Variants in PTPRD observed in about 807,000 individuals in gnomAD.
PTPRD encodes the protein protein tyrosine phosphatase receptor type D.
A neutral mutation model predicts 214.5 loss-of-function variants in PTPRD; 34 were observed. The observed-to-expected ratio is 0.16, with a 90% confidence interval of 0.12 to 0.21. The LOEUF (loss-of-function observed/expected upper bound fraction) is 0.21. Among genes scored for constraint, PTPRD ranks in the 10% least tolerant of loss-of-function variants. The pLI is 1.00. For synonymous variants in PTPRD, 1,128 were observed against 845.7 expected, an observed-to-expected ratio of 1.33 and a Z score of -5.79; for missense variants, 2,545 against 2,398.7, an observed-to-expected ratio of 1.06 and a Z score of -1.27.
chr9:9,296,207 T>C (rs1448210761), intron 9 of PTPRD, among the ~76,000 whole-genome samples: 2 of 151,768 alleles, frequency 1.3e-5, no homozygotes, highest in African/African-American at 4.8e-5. Context: ...CACCATGAAC[T>C]TGTACTCATA....
intron 7 of PTPRD, among the ~76,000 whole-genome samples, chr9:9,694,472 G>C (rs904641995): frequency 6.6e-6 from 1 of 151,960 alleles, no homozygotes; most frequent in Non-Finnish European, 1.5e-5. Context: ...AAGCTCCTTT[G>C]TGGCCACCAC....
chr9:10,065,220 C>T (rs537678487), intron 3 of PTPRD, among the ~76,000 whole-genome samples: 2 of 97,330 alleles, frequency 2.1e-5, no homozygotes, highest in African/African-American at 3.7e-5. Context: ...GGTCCAGAAA[C>T]TTATCATTTC....
chr9:10,201,927 G>T (rs530377197), intron 3 of PTPRD, among the ~76,000 whole-genome samples: 1 of 151,584 alleles, frequency 6.6e-6, no homozygotes, highest in East Asian at 1.9e-4. Context: ...GTTTTTCTAC[G>T]TTCTCCAAGT....
chr9:9,977,940 A>C (rs1306815217), intron 4 of PTPRD, among the ~76,000 whole-genome samples: 1 of 151,902 alleles, frequency 6.6e-6, no homozygotes. Flanking sequence ...GAAAAAAAAA[A>C]GTTATGTGCT....
chr9:9,351,636 A>G (rs958809046), intron 9 of PTPRD, among the ~76,000 whole-genome samples: 2 of 151,992 alleles, frequency 1.3e-5, no homozygotes, highest in Middle Eastern at 3.2e-3. Context: ...AAAGATACAC[A>G]TGTTAGCTGA....
In PTPRD at chr9:10,396,021, G is replaced by A. The variant is rs112410275; in HGVS notation, c.-599-55004C>T. 6.1e-3 allele frequency among the ~76,000 whole-genome samples: 931 copies of A among 151,632 alleles called. 10 individuals carry two copies. The highest frequency in any genetic ancestry group is 0.021 in the African/African-American group (881 of 41,406). ...CGAGAGACAGAAGGAGAAAGGGAGA[G>A]GGGTAATGATTTCCTGGTGCCTTTA... On this transcript the variant is annotated intron_variant, in intron 2 of 45. Coordinates refer to ENST00000381196, the MANE Select transcript of PTPRD (RefSeq NM_002839.4).
At chr9:8,847,237 TA>T (rs1465801227) in intron 11 of PTPRD, among the ~76,000 whole-genome samples, 1 of 152,118 alleles carries the variant, frequency 6.6e-6, no homozygotes, top group Non-Finnish European at 1.5e-5. Context: ...AAAGTCGGAT[TA>T]AAATAAACAT....
chr9:9,063,787 G>A (rs2099714653), intron 10 of PTPRD, among the ~76,000 whole-genome samples: 1 of 152,180 alleles, frequency 6.6e-6, no homozygotes, highest in Non-Finnish European at 1.5e-5. Flanking sequence ...GAAAGAAAAG[G>A]TGTGCTGGAA....
At chr9:10,235,840 G>A (rs2154359394) in intron 3 of PTPRD, among the ~76,000 whole-genome samples, 1 of 152,040 alleles carries the variant, frequency 6.6e-6, no homozygotes, top group East Asian at 1.9e-4. Flanking sequence ...AACATAACTT[G>A]GGCAATTCTA....
At position 9,933,043 on chromosome 9, in the gene PTPRD, C is replaced by T. The variant is rs558258783; in HGVS notation, c.-368+5464G>A. ...AGCAAATGTTGAGAGATTTTGTCAC[C>T]ACCAGGCCTGCCCTAAAACAGCTCC... On this transcript the variant is annotated intron_variant, in intron 5 of 45. Coordinates refer to ENST00000381196, the MANE Select transcript of PTPRD (RefSeq NM_002839.4). Among the ~76,000 whole-genome samples the T allele has an allele frequency of 2.0e-4, 30 of 151,904 alleles. No individual in the cohort carries two copies. The South Asian group carries it at 5.9e-3, about 30-fold the overall frequency.
At chr9:10,421,128 T>C (rs1300634253) in intron 2 of PTPRD, among the ~76,000 whole-genome samples, 3 of 151,892 alleles carry the variant, frequency 2.0e-5, no homozygotes, top group Non-Finnish European at 4.4e-5. Flanking sequence ...CTAATTTGTG[T>C]TGGGCTGCAT....
intron 7 of PTPRD, among the ~76,000 whole-genome samples, chr9:9,590,461 T>C (rs1370518249): frequency 3.3e-5 from 5 of 152,058 alleles, no homozygotes; most frequent in Non-Finnish European, 7.4e-5. Flanking sequence ...TGTTTTTGTA[T>C]GAACATTATA....
At chr9:9,207,316 G>A (rs1480615221) in intron 9 of PTPRD, among the ~76,000 whole-genome samples, 1 of 152,106 alleles carries the variant, frequency 6.6e-6, no homozygotes, top group Non-Finnish European at 1.5e-5. Flanking sequence ...TTGGACATAA[G>A]AGCATTAAGT....
intron 3 of PTPRD, among the ~76,000 whole-genome samples, chr9:10,278,993 C>G (rs187444704): frequency 7.2e-5 from 11 of 152,224 alleles, no homozygotes; most frequent in East Asian, 1.9e-4. Context: ...CCAGGATGAT[C>G]TCGATCTCCT....
chr9:9,575,954 G>A (rs10977851), intron 7 of PTPRD, among the ~76,000 whole-genome samples: 1 of 151,990 alleles, frequency 6.6e-6, no homozygotes, highest in East Asian at 1.9e-4. Context: ...CCTCAAAGAA[G>A]AAATTAGTAG....
At chr9:10,470,086 A>C (rs1474804085) in intron 2 of PTPRD, among the ~76,000 whole-genome samples, 1 of 152,088 alleles carries the variant, frequency 6.6e-6, no homozygotes, top group African/African-American at 2.4e-5. Flanking sequence ...TTTAACAATG[A>C]TTTATTGTAT....
chr9:8,384,518 C>T (rs1564443803), intron 37 of PTPRD, among the ~76,000 whole-genome samples: 2 of 152,058 alleles, frequency 1.3e-5, no homozygotes, highest in East Asian at 1.9e-4. Context: ...TCTCCAGCTT[C>T]TATCATTGTT....
chr9:10,261,047 A>C (rs1201151231), intron 3 of PTPRD, among the ~76,000 whole-genome samples: 1 of 139,358 alleles, frequency 7.2e-6, no homozygotes, highest in Non-Finnish European at 1.5e-5. Flanking sequence ...GTGTATATAT[A>C]TTATATATGT....
intron 11 of PTPRD, among the ~76,000 whole-genome samples, chr9:8,760,040 T>C (rs144876630): frequency 4.5e-4 from 69 of 152,302 alleles, no homozygotes; most frequent in African/African-American, 1.6e-3. Flanking sequence ...TCAGTGGTGC[T>C]TGTAGCTGGA....
Sources: allele counts gnomAD v4.1 joint callset (sites outside exome capture counted in the v4.1 genomes callset), GRCh38; gene constraint gnomAD v4.1.1; transcripts MANE v1.5; gene names NCBI Gene and HGNC (gene_info 2026-07-23, HGNC 2026-07-21).